The following VRK1 variants were observed in gnomAD, a reference collection of about 807,000 sequenced individuals.
VRK1 encodes the protein VRK serine/threonine kinase 1.
In VRK1, 33 loss-of-function variants were observed where a neutral mutation model predicts 57.1. The ratio of observed to expected loss-of-function variants is 0.58; its 90% CI spans 0.44 to 0.77. The LOEUF (loss-of-function observed/expected upper bound fraction) is 0.77. Ranked by LOEUF, VRK1 falls within the 30% of genes least tolerant of loss-of-function variation. VRK1 has a pLI of 0.00. For synonymous variants in VRK1, 137 were observed against 147.8 expected, an observed-to-expected ratio of 0.93 and a Z score of 0.53; for missense variants, 413 against 477.3, an observed-to-expected ratio of 0.87 and a Z score of 1.25.
At chr14:96,875,473 T>C (rs1355908654) in intron 11 of VRK1, among the ~76,000 whole-genome samples, 1 of 152,202 alleles carries the variant, frequency 6.6e-6, no homozygotes, top group Non-Finnish European at 1.5e-5. Context: ...TAATAAAAAG[T>C]ATGCTAAAAG....
chr14:96,881,275 G>A lies in VRK1; in HGVS notation c.*67G>A, dbSNP rs1889248987. The A allele has an allele frequency of 7.0e-7, 1 of 1,434,032 alleles. No homozygotes were observed. Among genetic ancestry groups the A allele is most frequent in the Non-Finnish European group, 9.6e-7 (1 of 1,041,086 alleles). 88.8% of individuals were successfully genotyped at this position (1,434,032 alleles called of 1,614,324 possible). A position where few individuals can be genotyped will look rare whatever the true frequency, so the allele number is the denominator to read the frequency against. The stretch of plus-strand genomic sequence containing the variant: ...TTGACTTTTTTCTCCTTTTCTATTT[G>A]AACTGTTTTATTTTCCTGTGAGTCT... On this transcript the variant is annotated 3_prime_UTR_variant, in exon 13 of 13. Transcript: ENST00000216639.
chr14:96,797,587 C>G (rs1193496446), intron 1 of VRK1, 140 bp downstream of exon 1: 2 of 151,794 alleles, frequency 1.3e-5, no homozygotes, highest in African/African-American at 4.8e-5. Context: ...CGCCGTCAGC[C>G]TCGGTCGCCC....
At chr14:96,807,459 TA>T (rs1223049337) in intron 1 of VRK1, among the ~76,000 whole-genome samples, 1 of 152,212 alleles carries the variant, frequency 6.6e-6, no homozygotes, top group African/African-American at 2.4e-5. Flanking sequence ...TTCCTCTTTT[TA>T]AAAAAATTTC....
At chr14:96,876,177 T>A in intron 12 of VRK1, 57 bp downstream of exon 12, 1 of 1,541,818 alleles carries the variant, frequency 6.5e-7, no homozygotes. Flanking sequence ...TTTCATTTCC[T>A]CCCATTAGAT....
At chr14:96,877,773 C>A (rs1034226420) in intron 12 of VRK1, 1 of 717,210 alleles carries the variant, frequency 1.4e-6, no homozygotes, top group East Asian at 1.3e-4. Flanking sequence ...GCCTGGACAT[C>A]ATTTGTTACC....
intron 3 of VRK1, among the ~76,000 whole-genome samples, chr14:96,840,795 A>T (rs1286940118): frequency 6.6e-6 from 1 of 151,456 alleles, no homozygotes; most frequent in East Asian, 1.9e-4. Context: ...AAAGTGTGCC[A>T]GTGTCATATC....
chr14:96,801,588 G>A (rs1885664176), intron 1 of VRK1, among the ~76,000 whole-genome samples: 1 of 152,112 alleles, frequency 6.6e-6, no homozygotes. Context: ...TGGGAGTGCT[G>A]ACCCCCATGC....
chr14:96,814,084 T>C (rs775338437), intron 1 of VRK1, among the ~76,000 whole-genome samples: 17 of 152,180 alleles, frequency 1.1e-4, no homozygotes, highest in Non-Finnish European at 1.8e-4. Flanking sequence ...GAGCTATAAA[T>C]TCTAGTTAAT....
At chr14:96,803,085 C>T (rs1022112702) in intron 1 of VRK1, among the ~76,000 whole-genome samples, 1 of 151,914 alleles carries the variant, frequency 6.6e-6, no homozygotes, top group Non-Finnish European at 1.5e-5. Context: ...ATCAGATTGA[C>T]TGTCTGGTGT....
intron 1 of VRK1, among the ~76,000 whole-genome samples, chr14:96,814,748 C>T (rs1195666655): frequency 6.6e-6 from 1 of 152,154 alleles, no homozygotes; most frequent in African/African-American, 2.4e-5. Context: ...GGAATGTTCT[C>T]ATACAAGGTT....
chr14:96,812,880 T>C (rs1177546671), intron 1 of VRK1, among the ~76,000 whole-genome samples: 1 of 152,220 alleles, frequency 6.6e-6, no homozygotes, highest in Non-Finnish European at 1.5e-5. Context: ...ACTCTGCTCC[T>C]TTTCCTACAA....
chr14:96,880,258 T>C (rs531694079), intron 12 of VRK1, among the ~76,000 whole-genome samples: 1 of 152,356 alleles, frequency 6.6e-6, no homozygotes, highest in South Asian at 2.1e-4. Flanking sequence ...TGGTAGAATT[T>C]TGTTCCACAT....
At chr14:96,808,002 C>CCTCTCTCCGTCTCT (rs149250994) in intron 1 of VRK1, among the ~76,000 whole-genome samples, 3 of 118,136 alleles carry the variant, frequency 2.5e-5, no homozygotes, top group Admixed American at 8.5e-5. Flanking sequence ...TCCCTCTCTC[C>CCTCTCTCCGTCTCT]CTCTCTCTCT....
intron 2 of VRK1, among the ~76,000 whole-genome samples, chr14:96,836,454 T>A (rs1887215422): frequency 6.6e-6 from 1 of 151,972 alleles, no homozygotes; most frequent in African/African-American, 2.4e-5. Context: ...TGCCTCACTG[T>A]TTCCCCCAGC....
intron 1 of VRK1, among the ~76,000 whole-genome samples, chr14:96,805,179 A>G (rs1885822583): frequency 6.6e-6 from 1 of 152,218 alleles, no homozygotes; most frequent in Non-Finnish European, 1.5e-5. Context: ...TATGTGAAGA[A>G]CTATACAGAG....
At chr14:96,822,511 T>C (rs924494937) in intron 1 of VRK1, among the ~76,000 whole-genome samples, 1 of 152,220 alleles carries the variant, frequency 6.6e-6, no homozygotes, top group Non-Finnish European at 1.5e-5. Flanking sequence ...ATTTGATTCA[T>C]TGCAAAACCA....
At chr14:96,877,695 A>G in intron 12 of VRK1, 1 of 1,244,948 alleles carries the variant, frequency 8.0e-7, no homozygotes, top group Admixed American at 2.5e-5. Flanking sequence ...TTCTAGTGAG[A>G]TTGACACTCA....
chr14:96,879,367 T>TG (rs1448331958), intron 12 of VRK1, among the ~76,000 whole-genome samples: 4 of 152,170 alleles, frequency 2.6e-5, no homozygotes, highest in Non-Finnish European at 2.9e-5. Context: ...CCCTTTTAGT[T>TG]GCAGTGAGAA....
intron 1 of VRK1, among the ~76,000 whole-genome samples, chr14:96,821,658 GTGATCCATTCA>G (rs1886603374): frequency 6.6e-6 from 1 of 152,180 alleles, no homozygotes; most frequent in African/African-American, 2.4e-5. Context: ...GTCAACCAGA[GTGATCCATTCA>G]AAGTGCAAGT....
Sources: gnomAD v4.1 joint callset for allele counts (sites outside exome capture counted in the v4.1 genomes callset) on GRCh38, gnomAD v4.1.1 for gene constraint, MANE v1.5 for transcripts, NCBI Gene and HGNC (gene_info 2026-07-23, HGNC 2026-07-21) for gene names.